TNIK: variants seen among roughly 807,000 people sequenced by gnomAD.
The protein encoded by TNIK is TRAF2 and NCK-interacting protein kinase.
A neutral mutation model predicts 191.3 loss-of-function variants in TNIK; 49 were observed. The observed-to-expected ratio is 0.26, with a 90% CI of 0.20 to 0.32. TNIK has a LOEUF of 0.32. TNIK is among the 10% of genes least tolerant of loss of function. The probability of loss-of-function intolerance (pLI) is 1.00; values close to 1 mark genes in which losing one functional copy is unlikely to be tolerated. For synonymous variants in TNIK, 594 were observed against 600.9 expected, an observed-to-expected ratio of 0.99 and a Z score of 0.17; for missense variants, 1,155 against 1,702.3, an observed-to-expected ratio of 0.68 and a Z score of 5.66.
intron 1 of TNIK, among the ~76,000 whole-genome samples, chr3:171,377,116 G>C (rs1207463571): frequency 6.6e-6 from 1 of 152,134 alleles, no homozygotes; most frequent in Non-Finnish European, 1.5e-5. Flanking sequence ...GCTGATTCCA[G>C]GACACAAACT....
intron 7 of TNIK, among the ~76,000 whole-genome samples, chr3:171,182,830 A>G (rs113707013): frequency 0.064 from 9,814 of 152,300 alleles, 460 homozygotes; most frequent in Middle Eastern, 0.11. Context: ...CCCAATGTGC[A>G]CCATGAGGTA....
At chr3:171,344,432 T>C (rs993272571) in intron 2 of TNIK, among the ~76,000 whole-genome samples, 1 of 152,208 alleles carries the variant, frequency 6.6e-6, no homozygotes, top group African/African-American at 2.4e-5. Flanking sequence ...CAGTGGGGTG[T>C]GTGTGTTTTC....
intron 2 of TNIK, among the ~76,000 whole-genome samples, chr3:171,318,724 ACCT>A (rs1377721014): frequency 1.3e-5 from 2 of 152,154 alleles, no homozygotes; most frequent in African/African-American, 4.8e-5. Context: ...CTAGGCTTAA[ACCT>A]CCTTTTATAA....
At chr3:171,224,925 A>C (rs1464526832) in intron 3 of TNIK, among the ~76,000 whole-genome samples, 1 of 152,210 alleles carries the variant, frequency 6.6e-6, no homozygotes, top group Non-Finnish European at 1.5e-5. Context: ...AAATGGAAGG[A>C]TATAAGCATT....
intron 4 of TNIK, among the ~76,000 whole-genome samples, chr3:171,207,269 G>C (rs778777368): frequency 6.6e-6 from 1 of 151,940 alleles, no homozygotes; most frequent in African/African-American, 2.4e-5. Context: ...TTTCCACATG[G>C]CTGTACCAAT....
At chr3:171,195,005 G>C (rs570733143) in intron 4 of TNIK, among the ~76,000 whole-genome samples, 1 of 152,170 alleles carries the variant, frequency 6.6e-6, no homozygotes, top group East Asian at 1.9e-4. Context: ...AGAAAGAACT[G>C]TGGTTCTCTA....
intron 18 of TNIK, among the ~76,000 whole-genome samples, chr3:171,120,799 G>A (rs1347707128): frequency 6.6e-6 from 1 of 152,148 alleles, no homozygotes; most frequent in Non-Finnish European, 1.5e-5. Flanking sequence ...CACAGAAGAA[G>A]AGAGAGGTTC....
At position 171,315,620 on chromosome 3, in the gene TNIK, T is replaced by C. The variant is rs112978441; in HGVS notation, c.123+54000A>G. ...CTGAAATCCAGGTGTCAAGGTGTCATTGGGAGTTGGTTCTTTCTGGAAGTT... is the reference window on the plus strand; with the variant it reads ...CTGAAATCCAGGTGTCAAGGTGTCACTGGGAGTTGGTTCTTTCTGGAAGTT... On this transcript the variant is annotated intron_variant, in intron 2 of 32. Coordinates refer to ENST00000436636, the MANE Select transcript of TNIK (RefSeq NM_015028.4). 3.0e-3 allele frequency among the ~76,000 whole-genome samples: 462 copies of C among 152,238 alleles called. 4 individuals carry two copies. Among genetic ancestry groups the C allele is most frequent in the African/African-American group, 0.011 (441 of 41,542 alleles).
At chr3:171,140,375 T>G (rs1576939157) in intron 13 of TNIK, 24 bp downstream of exon 13, 3 of 1,523,246 alleles carry the variant, frequency 2.0e-6, no homozygotes, top group African/African-American at 2.8e-5. Flanking sequence ...GGGCCATCAG[T>G]GGGGCTCCTG....
intron 2 of TNIK, among the ~76,000 whole-genome samples, chr3:171,252,926 A>G (rs1374766899): frequency 6.6e-6 from 1 of 152,072 alleles, no homozygotes; most frequent in Non-Finnish European, 1.5e-5. Flanking sequence ...GAAGCATTTC[A>G]TGTTTTAGAA....
In TNIK at chr3:171,119,297, C is replaced by G. The variant is rs1007078941; in HGVS notation, c.2120+4299G>C. Among the ~76,000 whole-genome samples the G allele has an allele frequency of 3.9e-5, 6 of 152,120 alleles. No homozygotes were observed. The East Asian group carries it at 5.8e-4, about 15-fold the overall frequency. On this transcript the variant is annotated intron_variant, in intron 18 of 32. Transcript: ENST00000436636. ...ATTAAAAAGTCAGGAAACAACACGTCCTGGAGAGGATGTGGAGAAATAGGA... is the reference window on the plus strand; with the variant it reads ...ATTAAAAAGTCAGGAAACAACACGTGCTGGAGAGGATGTGGAGAAATAGGA...
chr3:171,292,974 T>TG (rs1751856116), intron 2 of TNIK, among the ~76,000 whole-genome samples: 1 of 152,134 alleles, frequency 6.6e-6, no homozygotes, highest in East Asian at 1.9e-4. Flanking sequence ...GGCTGCCCTG[T>TG]GTCATTCTGC....
intron 21 of TNIK, among the ~76,000 whole-genome samples, chr3:171,102,792 G>A (rs979208570): frequency 2.0e-5 from 3 of 152,190 alleles, no homozygotes; most frequent in East Asian, 1.9e-4. Context: ...TTCACCTGAT[G>A]TAGGATTAGA....
chr3:171,097,670 C>G (rs1202704575), intron 22 of TNIK, among the ~76,000 whole-genome samples: 1 of 152,208 alleles, frequency 6.6e-6, no homozygotes, highest in African/African-American at 2.4e-5. Context: ...CACCTTCCAC[C>G]ATGATTGTGA....
At chr3:171,101,350 G>T in intron 22 of TNIK, 99 bp downstream of exon 22, 1 of 1,330,552 alleles carries the variant, frequency 7.5e-7, no homozygotes, top group South Asian at 1.6e-5. Context: ...TCTTGCCACA[G>T]ACCCATATAC....
chr3:171,394,950 G>A (rs1383038291), intron 1 of TNIK, among the ~76,000 whole-genome samples: 9 of 152,100 alleles, frequency 5.9e-5, no homozygotes, highest in African/African-American at 1.9e-4. Context: ...CTAAAACTCC[G>A]GGGAAATACG....
chr3:171,332,417 A>C (rs993796403), intron 2 of TNIK, among the ~76,000 whole-genome samples: 1 of 152,216 alleles, frequency 6.6e-6, no homozygotes, highest in African/African-American at 2.4e-5. Flanking sequence ...GCATAGCCAA[A>C]CTTCTTTCCA....
At position 171,195,794 on chromosome 3, in the gene TNIK, C is replaced by T. The variant is rs547662532; in HGVS notation, c.307-1159G>A. ...CAAGAAGCCAAGGAAGTTTCAAGAC[C>T]TATAAGTGCTTATAGGGAAATTTGG... On this transcript the variant is annotated intron_variant, in intron 4 of 32. Transcript: ENST00000436636. 9.2e-5 allele frequency among the ~76,000 whole-genome samples: 14 copies of T among 152,176 alleles called. No individual in the cohort carries two copies. In the East Asian group the frequency reaches 2.7e-3, roughly 29 times the overall value.
At chr3:171,234,076 T>C (rs1743979406) in intron 2 of TNIK, among the ~76,000 whole-genome samples, 2 of 152,220 alleles carry the variant, frequency 1.3e-5, no homozygotes. Context: ...GTCATGATGA[T>C]GGCAAACATG....
Sources: gnomAD v4.1 joint callset for allele counts (sites outside exome capture counted in the v4.1 genomes callset) on GRCh38, gnomAD v4.1.1 for gene constraint, MANE v1.5 for transcripts, NCBI Gene and HGNC (gene_info 2026-07-23, HGNC 2026-07-21) for gene names.